SI: variants seen among roughly 807,000 people sequenced by gnomAD.
SI encodes the protein sucrase-isomaltase.
SI carries 235 observed loss-of-function variants against 253.3 expected under a neutral mutation model. The observed-to-expected ratio is 0.93, with a 90% CI of 0.83 to 1.03. SI has a LOEUF of 1.03. SI is among the 50% of genes least tolerant of loss of function. SI has a pLI of 0.00. For synonymous variants in SI, 819 were observed against 712.0 expected (o/e 1.15, Z -2.39); for missense variants, 2,442 against 2,211.1 (o/e 1.10, Z -2.09).
chr3:164,997,480 C>T (rs1437185331), intron 38 of SI, among the ~76,000 whole-genome samples: 6 of 150,622 alleles, frequency 4.0e-5, no homozygotes, highest in East Asian at 2.0e-4. Flanking sequence ...TTTATATTCC[C>T]TAGAATCTAG....
chr3:165,000,949 T>C (rs1718230449), intron 37 of SI, among the ~76,000 whole-genome samples: 1 of 151,264 alleles, frequency 6.6e-6, no homozygotes, highest in Non-Finnish European at 1.5e-5. Flanking sequence ...AATTAGAATA[T>C]ATCTTCAATT....
chr3:164,992,801 A>G (rs1229466860), intron 41 of SI, among the ~76,000 whole-genome samples: 2 of 151,950 alleles, frequency 1.3e-5, no homozygotes, highest in African/African-American at 4.8e-5. Flanking sequence ...CATTAATTTT[A>G]AAAAGAGTTT....
At chr3:165,028,519 A>C (rs566604314) in intron 25 of SI, among the ~76,000 whole-genome samples, 6 of 151,730 alleles carry the variant, frequency 4.0e-5, no homozygotes, top group Non-Finnish European at 7.4e-5. Flanking sequence ...TGGAGGCATC[A>C]TATTACTTAA....
chr3:165,011,683 T>C (rs931943996), intron 34 of SI, among the ~76,000 whole-genome samples: 15 of 150,892 alleles, frequency 9.9e-5, no homozygotes, highest in African/African-American at 3.4e-4. Context: ...GGTTGTTCTA[T>C]TTATTATTGT....
At chr3:165,019,474 G>T (rs1576889101) in intron 28 of SI, 128 bp downstream of exon 28, 2 of 872,072 alleles carry the variant, frequency 2.3e-6, no homozygotes, top group South Asian at 1.4e-5. Context: ...TGCTATAGCT[G>T]CTCTGGAGAT....
Position 165,039,912 on chromosome 3 carries a change from A to G in SI, c.2219T>C (p.Leu740Ser), listed in dbSNP as rs1458445587. 1 of 1,613,042 alleles carries G rather than the reference A, an allele frequency of 6.2e-7. No individual in the cohort carries two copies. Residue 740 changes from leucine to serine, a missense_variant, in exon 19 of 48, where the codon TTA becomes TCA. Physicochemically the swap from Leu to Ser is moderately radical, Grantham distance 145 (BLOSUM62 -2). Transcript: ENST00000264382. ...CTGTTTTAGAACAGGAGTAATAAGT[A>G]ATGCAGGGCCCCACAAAAACTCAGT... Reference protein sequence around the residue: ...EDTEFLWGPALLITPVLKQGA... With the variant: ...EDTEFLWGPASLITPVLKQGA...
chr3:165,006,101 T>G, intron 37 of SI, among the ~76,000 whole-genome samples: 1 of 152,214 alleles, frequency 6.6e-6, no homozygotes, highest in East Asian at 1.9e-4. Flanking sequence ...TGAATTTATT[T>G]ATTTTATGTT....
In SI at chr3:165,036,393, A is replaced by C. The variant is rs376490211; in HGVS notation, c.2511T>G (p.Thr837=). The C allele has an allele frequency of 2.5e-6, 4 of 1,604,622 alleles. No individual in the cohort carries two copies. In the African/African-American group the frequency reaches 5.4e-5, roughly 21 times the overall value. The stretch of plus-strand genomic sequence containing the variant: ...GCGTATTACTTTCAGACTTACCTTT[A>C]GTTTCTCCATCATCCCAGAAAAAGT... ...KGDFFWDDGE[T]KDTIQNGNYI... The change falls in exon 22 of 48, where the codon ACT becomes ACG. Residue 837 remains threonine (T), a synonymous_variant. Coordinates refer to ENST00000264382, the MANE Select transcript of SI (RefSeq NM_001041.4).
At position 165,046,871 on chromosome 3, in the gene SI, C is replaced by A. The variant is rs758649061; in HGVS notation, c.1857G>T (p.Met619Ile). Residue 619 changes from methionine to isoleucine, a missense_variant, in exon 16 of 48, where the codon ATG (methionine) becomes ATT (isoleucine). Physicochemically the swap from Met to Ile is conservative, Grantham distance 10. Transcript: ENST00000264382. ...WEQMEWSITG[M>I]LEFSLFGIPL... ...GTATTCCAAACAAACTGAACTCCAG[C>A]ATTCCAGTTATAGACCATTCCATTT... The A allele has an allele frequency of 6.2e-7, 1 of 1,613,094 alleles. No individual in the cohort carries two copies. The highest frequency in any genetic ancestry group is 8.5e-7 in the Non-Finnish European group (1 of 1,179,418).
At chr3:165,014,234 T>C (rs1718913966) in intron 33 of SI, among the ~76,000 whole-genome samples, 7 of 152,092 alleles carry the variant, frequency 4.6e-5, no homozygotes, top group Admixed American at 4.6e-4. Context: ...TCTCTCATCA[T>C]AGATTTTTTT....
At chr3:165,029,380 T>A (rs1712102477) in intron 25 of SI, among the ~76,000 whole-genome samples, 1 of 150,524 alleles carries the variant, frequency 6.6e-6, no homozygotes, top group Non-Finnish European at 1.5e-5. Flanking sequence ...GGAGATTCCT[T>A]AAAGAATTAA....
Position 165,011,164 on chromosome 3 carries a change from A to G in SI, c.4063-1769T>C, listed in dbSNP as rs1159904544. On this transcript the variant is annotated intron_variant, in intron 34 of 47. Coordinates refer to ENST00000264382, the MANE Select transcript of SI (RefSeq NM_001041.4). ...TATTTTCTTCCCTCTACTAACTTTA[A>G]GTTTATTCTTTTTCTAATTCATTGA... Among the ~76,000 whole-genome samples the G allele has an allele frequency of 2.6e-5, 4 of 151,128 alleles. 1 individual carries two copies. Among genetic ancestry groups the G allele is most frequent in the African/African-American group, 9.7e-5 (4 of 41,086 alleles).
chr3:165,046,965 C>A lies in SI; in HGVS notation c.1763G>T (p.Arg588Leu). 1 of 1,611,534 alleles carries A rather than the reference C, an allele frequency of 6.2e-7. No homozygotes were observed. ...TCTTCCAGATCCAGCAAATGTTGAG[C>A]GGGTAAGAATGAAGCTTCTCTTATT... ...FPNKRSFILT[R>L]STFAGSGRHA... Residue 588 changes from arginine (R) to leucine (L), a missense_variant, in exon 16 of 48, where the codon CGC becomes CTC. Coordinates refer to ENST00000264382, the MANE Select transcript of SI (RefSeq NM_001041.4).
At chr3:165,034,771 A>G (rs976694821) in intron 22 of SI, among the ~76,000 whole-genome samples, 3 of 151,906 alleles carry the variant, frequency 2.0e-5, no homozygotes, top group Non-Finnish European at 4.4e-5. Context: ...TCTCGATAAA[A>G]CTCCGTCTCC....
At chr3:165,071,762 C>T (rs1308521414) in intron 3 of SI, among the ~76,000 whole-genome samples, 1 of 152,030 alleles carries the variant, frequency 6.6e-6, no homozygotes, top group Non-Finnish European at 1.5e-5. Context: ...AGAGGAAATA[C>T]TATGTGAGGA....
chr3:164,998,053 G>A (rs1183945065), intron 38 of SI, among the ~76,000 whole-genome samples: 2 of 151,700 alleles, frequency 1.3e-5, no homozygotes, highest in African/African-American at 4.8e-5. Flanking sequence ...CCACTAATGG[G>A]ATTTTGGGGT....
chr3:165,050,242 A>G (rs1713359130), intron 13 of SI, among the ~76,000 whole-genome samples: 2 of 152,168 alleles, frequency 1.3e-5, no homozygotes, highest in Admixed American at 1.3e-4. Context: ...TTTCATTTAA[A>G]CTTACCTAGT....
chr3:165,078,134 A>G (rs6794306), intron 1 of SI, among the ~76,000 whole-genome samples: 88,014 of 150,862 alleles, frequency 0.58, 26,048 homozygotes, highest in East Asian at 0.81. Flanking sequence ...AATCTTAATC[A>G]GTACTCATTT....
intron 20 of SI, among the ~76,000 whole-genome samples, chr3:165,038,557 C>A (rs200411066): frequency 5.0e-4 from 72 of 144,400 alleles, no homozygotes; most frequent in Non-Finnish European, 4.8e-4. Context: ...AAAAAAAATT[C>A]AAAAAAAAAA....
Sources: gnomAD v4.1 joint callset for allele counts (sites outside exome capture counted in the v4.1 genomes callset) on GRCh38, gnomAD v4.1.1 for gene constraint, MANE v1.5 for transcripts, NCBI Gene and HGNC (gene_info 2026-07-23, HGNC 2026-07-21) for gene names.